RAB27A: variants seen among roughly 807,000 people sequenced by gnomAD.
RAB27A encodes RAB27A, member RAS oncogene family, also known as ras-related protein Rab-27A.
A neutral mutation model predicts 20.8 loss-of-function variants in RAB27A; 17 were observed. The ratio of observed to expected loss-of-function variants is 0.82; its 90% CI spans 0.56 to 1.23. The LOEUF (loss-of-function observed/expected upper bound fraction) is 1.23, where lower values mean the gene tolerates loss of function less well. RAB27A is among the 50% of genes most tolerant of loss of function. The probability of loss-of-function intolerance (pLI) is 0.00; values close to 1 mark genes in which losing one functional copy is unlikely to be tolerated. For missense variants in RAB27A, 277 were observed against 266.7 expected (o/e 1.04, Z -0.27); for synonymous variants, 85 against 92.8 (o/e 0.92, Z 0.48).
chr15:55,264,469 C>A (rs1566928139), intron 2 of RAB27A, among the ~76,000 whole-genome samples: 2 of 152,208 alleles, frequency 1.3e-5, no homozygotes, highest in South Asian at 4.1e-4. Flanking sequence ...AAATTTTAAG[C>A]TGTTTTAGAG....
chr15:55,239,885 C>G (rs1378515506), intron 2 of RAB27A, among the ~76,000 whole-genome samples: 1 of 152,086 alleles, frequency 6.6e-6, no homozygotes, highest in Non-Finnish European at 1.5e-5. Context: ...AGGGCGACAG[C>G]CTTCTTATCT....
At chr15:55,272,360 A>C (rs1018195795) in intron 1 of RAB27A, among the ~76,000 whole-genome samples, 43 of 152,236 alleles carry the variant, frequency 2.8e-4, no homozygotes, top group African/African-American at 9.6e-4. Flanking sequence ...GATCGCACCA[A>C]TGCACTCCAG....
chr15:55,275,918 T>TAAAA (rs60106785), intron 1 of RAB27A, among the ~76,000 whole-genome samples: 4,688 of 103,970 alleles, frequency 0.045, 310 homozygotes, highest in Admixed American at 0.11. Flanking sequence ...GATGGCTAAT[T>TAAAA]AAAAAAAAAA....
upstream of RAB27A, among the ~76,000 whole-genome samples, chr15:55,294,777 A>G (rs1369697298): frequency 1.3e-5 from 2 of 152,086 alleles, no homozygotes; most frequent in Non-Finnish European, 2.9e-5. Context: ...GGGTTTGGCA[A>G]TGATATTTCT....
intron 2 of RAB27A, among the ~76,000 whole-genome samples, chr15:55,240,502 C>G (rs1202336381): frequency 3.3e-5 from 5 of 152,110 alleles, no homozygotes; most frequent in Non-Finnish European, 7.3e-5. Flanking sequence ...TCAGAAAGAT[C>G]TAGAGCTGTT....
chr15:55,214,565 C>T (rs575071390), intron 6 of RAB27A, among the ~76,000 whole-genome samples: 2 of 152,322 alleles, frequency 1.3e-5, no homozygotes, highest in African/African-American at 4.8e-5. Flanking sequence ...TTCTATCATC[C>T]TTTTATTTCC....
chr15:55,285,306 A>C (rs1288271225), intron 1 of RAB27A, among the ~76,000 whole-genome samples: 1 of 149,128 alleles, frequency 6.7e-6, no homozygotes, highest in Non-Finnish European at 1.5e-5. Context: ...CGAAAAACAA[A>C]CAACCAAAAA....
chr15:55,303,648 G>A (rs1236881795), intron 2 of RAB27A, among the ~76,000 whole-genome samples: 6 of 108,392 alleles, frequency 5.5e-5, no homozygotes, highest in African/African-American at 2.2e-4. Context: ...CGCCCCGTCC[G>A]GGAGGGAGGT....
intron 1 of RAB27A, among the ~76,000 whole-genome samples, chr15:55,314,436 G>A (rs549010919): frequency 6.6e-6 from 1 of 152,170 alleles, no homozygotes; most frequent in East Asian, 1.9e-4. Context: ...AATCAGGCAA[G>A]AGAAGAAAGA....
intron 2 of RAB27A, among the ~76,000 whole-genome samples, chr15:55,247,091 G>A (rs1472988344): frequency 6.6e-6 from 1 of 152,162 alleles, no homozygotes; most frequent in Non-Finnish European, 1.5e-5. Flanking sequence ...CCTTCAGGAT[G>A]ACACTGAGAC....
chr15:55,274,823 T>TATATATATATATATATATATATAG (rs1897815567), intron 1 of RAB27A, among the ~76,000 whole-genome samples: 1 of 136,600 alleles, frequency 7.3e-6, no homozygotes, highest in Non-Finnish European at 1.6e-5. Flanking sequence ...TATATATATA[T>TATATATATATATATATATATATAG]ATGTATAGAG....
intron 1 of RAB27A, chr15:55,317,410 G>A (rs527298355): frequency 1.7e-5 from 4 of 230,164 alleles, no homozygotes; most frequent in Non-Finnish European, 2.5e-5. Context: ...TGCCTCCCAG[G>A]TTCAAGTGAT....
intron 6 of RAB27A, among the ~76,000 whole-genome samples, chr15:55,214,504 C>T (rs1895189249): frequency 6.6e-6 from 1 of 152,232 alleles, no homozygotes; most frequent in Admixed American, 6.5e-5. Context: ...TATCCACCCA[C>T]CTGTGAGTTC....
intron 2 of RAB27A, among the ~76,000 whole-genome samples, chr15:55,266,285 G>C (rs1000812045): frequency 1.3e-5 from 2 of 152,214 alleles, no homozygotes; most frequent in African/African-American, 4.8e-5. Context: ...TGAGCATGCT[G>C]ATACCCTGAT....
At chr15:55,280,503 T>TTA (rs71297648) in intron 1 of RAB27A, among the ~76,000 whole-genome samples, 16,060 of 137,736 alleles carry the variant, frequency 0.12, 1,039 homozygotes, top group Admixed American at 0.22. Context: ...TGGGTATGGT[T>TTA]TATATATATA....
chr15:55,317,294 C>A (rs2055053251), intron 1 of RAB27A: 1 of 156,562 alleles, frequency 6.4e-6, no homozygotes, highest in African/African-American at 2.4e-5. Context: ...CAGTTCATCT[C>A]CATGAGGTAT....
intron 6 of RAB27A, among the ~76,000 whole-genome samples, chr15:55,210,889 T>G (rs115709833): frequency 6.6e-5 from 10 of 152,198 alleles, no homozygotes; most frequent in Non-Finnish European, 1.0e-4. Flanking sequence ...AGTAGTTTCA[T>G]AGTTTCAAGT....
intron 2 of RAB27A, among the ~76,000 whole-genome samples, chr15:55,253,566 G>T (rs1896974652): frequency 6.6e-6 from 1 of 152,138 alleles, no homozygotes; most frequent in Admixed American, 6.5e-5. Flanking sequence ...AGTCCCCCAA[G>T]GCCATACCTT....
intron 5 of RAB27A, among the ~76,000 whole-genome samples, chr15:55,225,664 T>C (rs1352905432): frequency 2.0e-5 from 3 of 152,234 alleles, no homozygotes; most frequent in Non-Finnish European, 4.4e-5. Context: ...TGGTTAACAG[T>C]ATTTATTTTG....
Sources: gnomAD v4.1 joint callset for allele counts (sites outside exome capture counted in the v4.1 genomes callset) on GRCh38, gnomAD v4.1.1 for gene constraint, MANE v1.5 for transcripts, NCBI Gene and HGNC (gene_info 2026-07-23, HGNC 2026-07-21) for gene names.